Variants in ANXA10 observed in about 807,000 individuals in gnomAD.
ANXA10 encodes the protein annexin A10, also known as annexin 14.
Under a neutral mutation model 53.5 loss-of-function variants are expected in ANXA10, and 49 were observed. The observed-to-expected ratio is 0.92, with a 90% CI of 0.73 to 1.16. The LOEUF (loss-of-function observed/expected upper bound fraction) is 1.16. Ranked by LOEUF, ANXA10 falls within the 50% of genes most tolerant of loss-of-function variation. The pLI is 0.00. For missense variants in ANXA10, 393 were observed against 394.4 expected (o/e 1.00, Z 0.03); for synonymous variants, 131 against 128.9 (o/e 1.02, Z -0.11).
intron 1 of ANXA10, among the ~76,000 whole-genome samples, chr4:168,095,999 A>T (rs1030280911): frequency 6.6e-6 from 1 of 152,204 alleles, no homozygotes; most frequent in African/African-American, 2.4e-5. Flanking sequence ...ACTATGGGCA[A>T]TGAGACATAC....
Position 168,179,259 on chromosome 4 carries a change from A to C in ANXA10, c.671A>C (p.Asp224Ala). The C allele has an allele frequency of 1.2e-6, 2 of 1,612,076 alleles. No individual in the cohort carries two copies. Among genetic ancestry groups the C allele is most frequent in the South Asian group, 2.2e-5 (2 of 90,824 alleles). Reference sequence around the variant, plus strand: ...AATATTTCTGGGCAAGATATGGTAGATGCCATTAATGAATGTTATGATGGA... The same window carrying C: ...AATATTTCTGGGCAAGATATGGTAGCTGCCATTAATGAATGTTATGATGGA... ...FQNISGQDMV[D>A]AINECYDGYF... Residue 224 changes from aspartate (D) to alanine (A), a missense_variant, in exon 9 of 12, where the codon GAT (aspartate) becomes GCT (alanine). Transcript: ENST00000359299.
intron 1 of ANXA10, among the ~76,000 whole-genome samples, chr4:168,107,161 T>C (rs1338034202): frequency 6.6e-6 from 1 of 151,566 alleles, no homozygotes; most frequent in East Asian, 1.9e-4. Flanking sequence ...AGCAGACCAA[T>C]AAAAAAGAAA....
chr4:168,114,228 T>A (rs1040149604), intron 1 of ANXA10, among the ~76,000 whole-genome samples: 11 of 152,192 alleles, frequency 7.2e-5, no homozygotes, highest in African/African-American at 2.7e-4. Context: ...TTCTTGTTTT[T>A]TCTTTCATTG....
Position 168,164,196 on chromosome 4 carries a change from A to T in ANXA10, c.310-2A>T, listed in dbSNP as rs1284577617. On this transcript the variant is annotated splice_acceptor_variant, in intron 4 of 11. Coordinates refer to ENST00000359299, the MANE Select transcript of ANXA10 (RefSeq NM_007193.5). LOFTEE classifies it high-confidence loss of function. ...CATTTATCTCTTTTTTCCTTTCTCT[A>T]GGGAGTAGGCACTGATGAGAATTGC... 6.3e-7 allele frequency: 1 copy of T among 1,598,890 alleles called. No individual in the cohort carries two copies.
chr4:168,156,066 T>C (rs1184418623), intron 3 of ANXA10, among the ~76,000 whole-genome samples: 2 of 29,150 alleles, frequency 6.9e-5, no homozygotes, highest in African/African-American at 3.1e-4. Context: ...TTATATATCA[T>C]ATATTATATA....
intron 1 of ANXA10, among the ~76,000 whole-genome samples, chr4:168,123,481 G>C (rs576816393): frequency 6.6e-6 from 1 of 152,290 alleles, no homozygotes; most frequent in African/African-American, 2.4e-5. Flanking sequence ...TACCTAACAG[G>C]AATCTTGCTG....
In ANXA10 at chr4:168,166,797, T is replaced by C. The variant is rs144855077; in HGVS notation, c.480+1471T>C. ...AATTTCACTAAAACCAAGAAGTTGATAGAATTTTGTACATGGGAACATGAC... is the reference window on the plus strand; with the variant it reads ...AATTTCACTAAAACCAAGAAGTTGACAGAATTTTGTACATGGGAACATGAC... On this transcript the variant is annotated intron_variant, in intron 6 of 11. Coordinates refer to ENST00000359299, the MANE Select transcript of ANXA10 (RefSeq NM_007193.5). Among the ~76,000 whole-genome samples, 5 of 152,172 alleles carry C rather than the reference T, an allele frequency of 3.3e-5. No individual in the cohort carries two copies. The East Asian group carries it at 9.7e-4, about 29-fold the overall frequency.
rs755338203 is a variant in ANXA10, at chr4:168,181,734, C to T, written c.776C>T (p.Ala259Val). ...PAYFAYRLYS[A>V]IHDFGFHNKT... ...TATTTTGCTTATAGATTATATAGTG[C>T]AATTCATGTAAGTAAGACATATATT... The change falls in exon 10 of 12, where the codon GCA (alanine) becomes GTA (valine). Residue 259 changes from alanine to valine, a missense_variant. Physicochemically the swap from Ala to Val is moderately conservative, Grantham distance 64 (BLOSUM62 0). Transcript: ENST00000359299. The T allele has an allele frequency of 1.6e-5, 26 of 1,585,090 alleles. No homozygotes were observed. The highest frequency in any genetic ancestry group is 2.2e-5 in the Non-Finnish European group (25 of 1,157,060).
At chr4:168,121,637 T>C (rs1450086123) in intron 1 of ANXA10, among the ~76,000 whole-genome samples, 1 of 152,146 alleles carries the variant, frequency 6.6e-6, no homozygotes, top group East Asian at 1.9e-4. Flanking sequence ...TTGAGAACAT[T>C]TGGTGCTTAT....
chr4:168,130,101 T>C (rs1472824214), intron 2 of ANXA10, among the ~76,000 whole-genome samples: 5 of 152,284 alleles, frequency 3.3e-5, no homozygotes, highest in Non-Finnish European at 5.9e-5. Context: ...ATGCTAGCTA[T>C]AGGATTTTTG....
chr4:168,151,794 G>A (rs1330846221), intron 3 of ANXA10, among the ~76,000 whole-genome samples: 1 of 152,124 alleles, frequency 6.6e-6, no homozygotes, highest in Non-Finnish European at 1.5e-5. Flanking sequence ...ATAATAGCAT[G>A]CTATTCCCAT....
intron 1 of ANXA10, among the ~76,000 whole-genome samples, chr4:168,119,964 C>A (rs72691167): frequency 0.049 from 7,518 of 152,044 alleles, 292 homozygotes; most frequent in Admixed American, 0.12. Flanking sequence ...AAGTTCCTTA[C>A]CTTTGCTGTG....
rs146067040 is a variant in ANXA10 at position 168,105,707 on chromosome 4, T to C, written c.18+12989T>C. Among the ~76,000 whole-genome samples the C allele has an allele frequency of 3.9e-3, 597 of 152,246 alleles. 3 individuals carry two copies. The highest frequency in any genetic ancestry group is 6.8e-3 in the Middle Eastern group (2 of 294). On this transcript the variant is annotated intron_variant, in intron 1 of 11. Transcript: ENST00000359299. Reference sequence around the variant, plus strand: ...GGAATCACCACATTGTTTTCCACAATGGTTGAACTAATTTACACTCCCACC... The same window carrying C: ...GGAATCACCACATTGTTTTCCACAACGGTTGAACTAATTTACACTCCCACC...
At chr4:168,095,582 T>C (rs1295481485) in intron 1 of ANXA10, among the ~76,000 whole-genome samples, 2 of 152,064 alleles carry the variant, frequency 1.3e-5, no homozygotes, top group African/African-American at 2.4e-5. Context: ...TCACAGCAAA[T>C]TGTCCTATAA....
chr4:168,180,942 C>T (rs945838028), intron 9 of ANXA10, among the ~76,000 whole-genome samples: 2 of 152,018 alleles, frequency 1.3e-5, no homozygotes, highest in Non-Finnish European at 2.9e-5. Context: ...AGTTGTGGTC[C>T]ATAGTTTCCC....
At chr4:168,148,310 G>GCA (rs1731437590) in intron 3 of ANXA10, among the ~76,000 whole-genome samples, 1 of 152,068 alleles carries the variant, frequency 6.6e-6, no homozygotes, top group African/African-American at 2.4e-5. Context: ...GGGATTACAG[G>GCA]TGCCCACCAC....
chr4:168,106,460 C>A (rs1008518750), intron 1 of ANXA10, among the ~76,000 whole-genome samples: 2 of 151,814 alleles, frequency 1.3e-5, no homozygotes, highest in Non-Finnish European at 2.9e-5. Context: ...GGAAGAAAAA[C>A]CAAAACCTGT....
intron 3 of ANXA10, among the ~76,000 whole-genome samples, chr4:168,155,048 C>G (rs1392430242): frequency 6.6e-6 from 1 of 151,786 alleles, no homozygotes; most frequent in Non-Finnish European, 1.5e-5. Flanking sequence ...CCAACATTTA[C>G]TGAAGGCTAG....
chr4:168,116,235 G>A (rs532175675), intron 1 of ANXA10, among the ~76,000 whole-genome samples: 52 of 151,754 alleles, frequency 3.4e-4, no homozygotes, highest in African/African-American at 9.9e-4. Flanking sequence ...GACAAAACAC[G>A]TGCAGAAAAA....
Sources: allele counts gnomAD v4.1 joint callset (sites outside exome capture counted in the v4.1 genomes callset), GRCh38; gene constraint gnomAD v4.1.1; transcripts MANE v1.5; gene names NCBI Gene and HGNC (gene_info 2026-07-23, HGNC 2026-07-21).